DNM1L: variants seen among roughly 807,000 people sequenced by gnomAD.
DNM1L encodes the protein dynamin-1-like protein.
A neutral mutation model predicts 92.8 loss-of-function variants in DNM1L; 33 were observed. That is an observed-to-expected ratio of 0.36 (90% CI 0.27 to 0.48). The LOEUF (loss-of-function observed/expected upper bound fraction) is 0.48. Among genes scored for constraint, DNM1L ranks in the 20% least tolerant of loss-of-function variants. DNM1L has a pLI of 0.99. For synonymous variants in DNM1L, 284 were observed against 305.0 expected, an observed-to-expected ratio of 0.93 and a Z score of 0.72; for missense variants, 485 against 888.8, an observed-to-expected ratio of 0.55 and a Z score of 5.78.
chr12:32,685,464 C>T (rs1309308414), intron 1 of DNM1L, among the ~76,000 whole-genome samples: 16 of 149,190 alleles, frequency 1.1e-4, no homozygotes, highest in Admixed American at 4.8e-4. Context: ...AGGCTCAAGG[C>T]GTTCTCCTGC....
At chr12:32,688,801 A>G (rs1267495510) in intron 1 of DNM1L, among the ~76,000 whole-genome samples, 1 of 152,226 alleles carries the variant, frequency 6.6e-6, no homozygotes, top group African/African-American at 2.4e-5. Context: ...TCTAGAAAGC[A>G]CTGGACCTAT....
chr12:32,695,274 T>G (rs1181803377), intron 1 of DNM1L, among the ~76,000 whole-genome samples: 1 of 152,116 alleles, frequency 6.6e-6, no homozygotes, highest in African/African-American at 2.4e-5. Context: ...TGTTGTCAAA[T>G]GTCATGCAAA....
intron 6 of DNM1L, among the ~76,000 whole-genome samples, chr12:32,717,075 A>G (rs116174979): frequency 0.14 from 18,701 of 133,420 alleles, 1,370 homozygotes; most frequent in Middle Eastern, 0.18. Context: ...ATACATAGGT[A>G]TATATATATA....
chr12:32,703,031 A>G (rs991324627), intron 2 of DNM1L, among the ~76,000 whole-genome samples: 2 of 149,596 alleles, frequency 1.3e-5, no homozygotes, highest in African/African-American at 2.5e-5. Flanking sequence ...AAGACACTAT[A>G]TGATATTAGG....
At chr12:32,688,966 G>T (rs1341951450) in intron 1 of DNM1L, among the ~76,000 whole-genome samples, 1 of 152,150 alleles carries the variant, frequency 6.6e-6, no homozygotes, top group Non-Finnish European at 1.5e-5. Flanking sequence ...GGGAGACCTG[G>T]TGGCAAGGCT....
At chr12:32,732,862 C>T (rs1048992868) in intron 12 of DNM1L, among the ~76,000 whole-genome samples, 26 of 152,106 alleles carry the variant, frequency 1.7e-4, no homozygotes, top group African/African-American at 6.0e-4. Context: ...TTTGGGAAGT[C>T]GAGGCGGGTG....
intron 6 of DNM1L, among the ~76,000 whole-genome samples, chr12:32,717,073 GTATATATATATAT>G (rs1480474167): frequency 8.1e-6 from 1 of 122,854 alleles, no homozygotes; most frequent in Non-Finnish European, 1.6e-5. Context: ...ATATACATAG[GTATATATATATAT>G]TTTATATATA....
rs200885280 is a variant in DNM1L at position 32,679,533 on chromosome 12, TGCCCACTCCCGCGCCAGC to T, written c.102+87_102+104del. On this transcript the variant is annotated intron_variant, in intron 1 of 19. Coordinates refer to ENST00000549701, the MANE Select transcript of DNM1L (RefSeq NM_012062.5). ...GCAGGCCTGGTCGGTGCTGCGGCAG[TGCCCACTCCCGCGCCAGC>T]GCCCACTCCCGCGCCAGCCTTTGGG... 0.013 allele frequency: 20,215 copies of T among 1,507,692 alleles called. 551 individuals carry two copies. The highest frequency in any genetic ancestry group is 0.11 in the African/African-American group (7,955 of 72,800). The allele number at this position is 1,507,692 out of a possible 1,614,324, so 93.4% of individuals were successfully genotyped here.
chr12:32,714,513 C>T (rs1300408841), intron 6 of DNM1L, among the ~76,000 whole-genome samples: 1 of 151,748 alleles, frequency 6.6e-6, no homozygotes, highest in Non-Finnish European at 1.5e-5. Context: ...ACCTCGTGAT[C>T]CGCCCGCCTC....
chr12:32,691,600 T>A (rs1395085002), intron 1 of DNM1L, among the ~76,000 whole-genome samples: 2 of 152,276 alleles, frequency 1.3e-5, no homozygotes, highest in South Asian at 4.1e-4. Flanking sequence ...ATAGTCACAT[T>A]CCGAGGTACT....
intron 1 of DNM1L, among the ~76,000 whole-genome samples, chr12:32,687,283 G>A (rs1312530337): frequency 4.0e-5 from 6 of 151,454 alleles, no homozygotes; most frequent in Non-Finnish European, 7.4e-5. Context: ...GTATATTTAG[G>A]CTTTTGATCC....
chr12:32,703,018 C>T (rs1307159751), intron 2 of DNM1L, among the ~76,000 whole-genome samples: 1 of 151,468 alleles, frequency 6.6e-6, no homozygotes, highest in East Asian at 1.9e-4. Flanking sequence ...AAACTAAGAC[C>T]TTAAGACACT....
chr12:32,699,326 T>TA (rs1419476665), intron 1 of DNM1L, among the ~76,000 whole-genome samples: 1 of 152,120 alleles, frequency 6.6e-6, no homozygotes, highest in Non-Finnish European at 1.5e-5. Flanking sequence ...AGTTGGAAAA[T>TA]ATTTAAAACA....
chr12:32,713,424 C>T, intron 6 of DNM1L, 53 bp downstream of exon 6: 2 of 1,590,436 alleles, frequency 1.3e-6, no homozygotes, highest in Non-Finnish European at 8.6e-7. Flanking sequence ...GGTAAATCTA[C>T]CCTTGAGAAA....
At chr12:32,685,191 C>A (rs1257584729) in intron 1 of DNM1L, among the ~76,000 whole-genome samples, 3 of 152,092 alleles carry the variant, frequency 2.0e-5, no homozygotes, top group Non-Finnish European at 4.4e-5. Context: ...CCCGCCTCGG[C>A]CTCCCAAAGT....
Position 32,720,787 on chromosome 12 carries a change from T to G in DNM1L, c.864T>G (p.Thr288=). Residue 288 remains threonine (T), a synonymous_variant, in exon 8 of 20, where the codon ACT becomes ACG. Transcript: ENST00000549701. The part of the protein sequence containing the change: ...NRNGTKYLAR[T]LNRLLMHHIR... ...ATGGAACAAAGTATCTTGCTAGGACTCTAAACAGGTAATTTTTTTACCTTT... is the reference window on the plus strand; with the variant it reads ...ATGGAACAAAGTATCTTGCTAGGACGCTAAACAGGTAATTTTTTTACCTTT... 2 of 1,613,232 alleles carry G rather than the reference T, an allele frequency of 1.2e-6. 1 individual carries two copies. The highest frequency in any genetic ancestry group is 2.2e-5 in the South Asian group (2 of 91,044).
intron 1 of DNM1L, chr12:32,679,974 TGA>T (rs1239749303): frequency 2.0e-6 from 2 of 985,348 alleles, no homozygotes; most frequent in East Asian, 2.3e-4. Context: ...CTGTTGAGGC[TGA>T]GAGACGCTAC....
intron 4 of DNM1L, 147 bp from the exon 5 acceptor site, chr12:32,710,782 G>A: frequency 1.6e-6 from 1 of 640,850 alleles, no homozygotes; most frequent in Non-Finnish European, 2.6e-6. Context: ...CTTCCCATGT[G>A]TTTCATCAGG....
chr12:32,728,300 G>A (rs1954288598), intron 9 of DNM1L: 1 of 152,150 alleles, frequency 6.6e-6, no homozygotes, highest in Non-Finnish European at 1.5e-5. Flanking sequence ...CGTAAAGAGA[G>A]TATTTATCAG....
Sources: allele counts gnomAD v4.1 joint callset (sites outside exome capture counted in the v4.1 genomes callset), GRCh38; gene constraint gnomAD v4.1.1; transcripts MANE v1.5; gene names NCBI Gene and HGNC (gene_info 2026-07-23, HGNC 2026-07-21).